The following KCNH4 variants were observed in gnomAD, a reference collection of about 807,000 sequenced individuals.
KCNH4 encodes voltage-gated delayed rectifier potassium channel KCNH4.
Under a neutral mutation model 90.7 loss-of-function variants are expected in KCNH4, and 33 were observed. The ratio of observed to expected loss-of-function variants is 0.36; its 90% CI spans 0.28 to 0.49. The LOEUF (loss-of-function observed/expected upper bound fraction) is 0.49, where lower values mean the gene tolerates loss of function less well. Among genes scored for constraint, KCNH4 ranks in the 20% least tolerant of loss-of-function variants. The pLI is 0.98. For synonymous variants in KCNH4, 551 were observed against 581.7 expected (o/e 0.95, Z 0.76); for missense variants, 1,044 against 1,387.1 (o/e 0.75, Z 3.93).
chr17:42,174,150 G>A (rs890422115), intron 6 of KCNH4, among the ~76,000 whole-genome samples: 1 of 152,134 alleles, frequency 6.6e-6, no homozygotes, highest in South Asian at 2.1e-4. Flanking sequence ...TAGAGAAGGG[G>A]TTTCACCTGT....
chr17:42,163,452 G>T lies in KCNH4; in HGVS notation c.2478-118C>A. ...GGGCGGAGCAAGAGCAGCAGTCAAA[G>T]TGGGTTGGGGTTGCAAGCTGTGGTT... On this transcript the variant is annotated intron_variant, in intron 13 of 16. Transcript: ENST00000264661. The surrounding 1 kb of genome is among the most constrained non-coding windows in gnomAD (Gnocchi z 5.4). 2 of 819,292 alleles carry T rather than the reference G, an allele frequency of 2.4e-6. No homozygotes were observed. The allele number at this position is 819,292 out of a possible 1,614,324, so 50.8% of individuals were successfully genotyped here.
At chr17:42,172,376 A>G (rs1357804915) in intron 6 of KCNH4, among the ~76,000 whole-genome samples, 1 of 151,740 alleles carries the variant, frequency 6.6e-6, no homozygotes, top group African/African-American at 2.4e-5. Flanking sequence ...GTTTCACTAC[A>G]TTGGCCAGGA....
chr17:42,175,760 T>TG (rs760990464), intron 5 of KCNH4, 24 bp from the exon 6 acceptor site: 3 of 1,612,874 alleles, frequency 1.9e-6, no homozygotes, highest in South Asian at 2.2e-5. Flanking sequence ...AGGCTATTAC[T>TG]GGGGGGCCTT....
chr17:42,160,920 C>CTTTTTTTTT (rs57677761), intron 15 of KCNH4, among the ~76,000 whole-genome samples: 6 of 73,412 alleles, frequency 8.2e-5, no homozygotes, highest in Admixed American at 1.8e-4. Flanking sequence ...TTTTCTTTTT[C>CTTTTTTTTT]TTTTTTTTTT....
chr17:42,165,619 C>T lies in KCNH4; in HGVS notation c.1915G>A (p.Val639Met), dbSNP rs564497876. ...EPGLGADPNF[V>M]LKTSADVKAL... ...TTCACATCAGCACTGGTCTTTAGCA[C>T]GAAGTTTGGGTCTGCTCCCAACCCA... The change falls in exon 11 of 17, where the codon GTG becomes ATG. Residue 639 changes from valine (V) to methionine (M), a missense_variant. Around this residue, in one of 4 missense-constraint regions of KCNH4, gnomAD observed 441 missense variants for 512.3 expected, o/e 0.86. Transcript: ENST00000264661. 5.6e-6 allele frequency: 9 copies of T among 1,614,174 alleles called. No homozygotes were observed. The highest frequency in any genetic ancestry group is 2.2e-5 in the East Asian group (1 of 44,884).
chr17:42,158,295 C>A (rs1461544391), intron 16 of KCNH4, among the ~76,000 whole-genome samples: 9 of 149,250 alleles, frequency 6.0e-5, no homozygotes, highest in East Asian at 2.0e-4. Context: ...CTTTGGGAGG[C>A]CGAGGCAGGT....
chr17:42,177,950 CAT>C (rs1355441204), intron 4 of KCNH4, 148 bp downstream of exon 4: 1 of 884,208 alleles, frequency 1.1e-6, no homozygotes, highest in South Asian at 1.6e-5. Context: ...GAGCATATAC[CAT>C]ATAGAGTAGT....
chr17:42,169,581 T>G lies in KCNH4; in HGVS notation c.1486A>C (p.Lys496Gln). Residue 496 changes from lysine (K) to glutamine (Q), a missense_variant, in exon 9 of 17, where the codon AAG (lysine) becomes CAG (glutamine). Physicochemically the swap from Lys to Gln is moderately conservative, Grantham distance 53. Transcript: ENST00000264661. ...AGGCGGTGCACACGGATGAAGTCCT[T>G]GAGGTCCTTCATGCGGCTGTGGTAG... ...SLYHSRMKDL[K>Q]DFIRVHRLPR... is the part of the protein sequence containing the mutation. 1.2e-6 allele frequency: 2 copies of G among 1,613,958 alleles called. No homozygotes were observed. The highest frequency in any genetic ancestry group is 1.7e-6 in the Non-Finnish European group (2 of 1,179,988).
chr17:42,171,478 C>CT (rs2079826404), intron 7 of KCNH4, among the ~76,000 whole-genome samples: 1 of 152,040 alleles, frequency 6.6e-6, no homozygotes, highest in African/African-American at 2.4e-5. Context: ...CTTTCTGGGA[C>CT]TTTTCACGTG....
chr17:42,174,869 A>C (rs1162825249), intron 6 of KCNH4, among the ~76,000 whole-genome samples: 1 of 152,060 alleles, frequency 6.6e-6, no homozygotes, highest in Non-Finnish European at 1.5e-5. Flanking sequence ...TAGGTTTACT[A>C]TGCTCCCCCA....
intron 15 of KCNH4, 27 bp from the exon 16 acceptor site, chr17:42,160,462 A>G (rs1432084229): frequency 1.3e-6 from 2 of 1,550,212 alleles, no homozygotes; most frequent in African/African-American, 1.4e-5. Context: ...GAGTTGTTTC[A>G]CAGGTGCCAC....
chr17:42,162,702 C>T (rs1256897575), intron 14 of KCNH4, among the ~76,000 whole-genome samples: 3 of 152,042 alleles, frequency 2.0e-5, no homozygotes, highest in Non-Finnish European at 2.9e-5. Flanking sequence ...AAGCAATTCT[C>T]CTGTCTCAGC....
chr17:42,170,971 C>T (rs1301388236), intron 7 of KCNH4, among the ~76,000 whole-genome samples: 3 of 152,222 alleles, frequency 2.0e-5, no homozygotes, highest in South Asian at 2.1e-4. Context: ...GTGGCTGCAG[C>T]GCAGGGAGCA....
chr17:42,179,148 G>T, intron 1 of KCNH4, 122 bp from the exon 2 acceptor site: 1 of 666,444 alleles, frequency 1.5e-6, no homozygotes, highest in Non-Finnish European at 2.6e-6. Context: ...AGGTTTCCAT[G>T]TTGCTCCTGA....
rs1201648980 is a variant in KCNH4, at chr17:42,180,696, C to G, written c.76+174G>C. Among the ~76,000 whole-genome samples, 1 of 151,990 alleles carries G rather than the reference C, an allele frequency of 6.6e-6. No homozygotes were observed. The highest frequency in any genetic ancestry group is 2.4e-5 in the African/African-American group (1 of 41,366). Reference sequence around the variant, plus strand: ...TGCTCTCGGCCCTTTCCCCTCCTCCCCTCGCAGGGCACTCCCCGCCCTGTT... The same window carrying G: ...TGCTCTCGGCCCTTTCCCCTCCTCCGCTCGCAGGGCACTCCCCGCCCTGTT... On this transcript the variant is annotated intron_variant, in intron 1 of 16. Coordinates refer to ENST00000264661, the MANE Select transcript of KCNH4 (RefSeq NM_012285.3). The surrounding 1 kb of genome is among the most constrained non-coding windows in gnomAD (Gnocchi z 4.7).
chr17:42,163,558 T>C lies in KCNH4; in HGVS notation c.2477+48A>G. ...CAGGGATAGAGCCCAGAGAAGGTTC[T>C]GGAAGCCAATAGGGGTTTTGGGAAA... On this transcript the variant is annotated intron_variant, in intron 13 of 16. Coordinates refer to ENST00000264661, the MANE Select transcript of KCNH4 (RefSeq NM_012285.3). The surrounding 1 kb of genome is among the most constrained non-coding windows in gnomAD (Gnocchi z 5.4). The C allele has an allele frequency of 3.2e-6, 3 of 925,770 alleles. No homozygotes were observed. The highest frequency in any genetic ancestry group is 5.0e-6 in the Non-Finnish European group (3 of 602,426). 57.3% of individuals were successfully genotyped at this position (925,770 alleles called of 1,614,324 possible).
rs1309076049 is a variant in KCNH4 at position 42,171,930 on chromosome 17, C to T, written c.1053G>A (p.Leu351=). 4.3e-6 allele frequency: 7 copies of T among 1,611,828 alleles called. 1 individual carries two copies. The highest frequency in any genetic ancestry group is 5.9e-6 in the Non-Finnish European group (7 of 1,179,384). ...LLRLLRLLQK[L]ERYSQCSAVV... ...CAGCACTGCACTGAGAGTACCGCTC[C>T]AGCTTCTGCAGCAGCCGCAGCAGCC... is the stretch of plus-strand genomic sequence containing the variant. Residue 351 remains leucine (L), a synonymous_variant, in exon 7 of 17, where the codon CTG becomes CTA. Transcript: ENST00000264661.
chr17:42,166,532 G>A lies in KCNH4; in HGVS notation c.1605C>T (p.Phe535=). The A allele has an allele frequency of 6.2e-7, 1 of 1,612,492 alleles. No individual in the cohort carries two copies. The highest frequency in any genetic ancestry group is 8.5e-7 in the Non-Finnish European group (1 of 1,178,668). ...GIDANELLRD[F]PDELRADIAM... ...CAATGTCAGCTCTCAGCTCGTCTGG[G>A]AAGTCACGCAGTAACTGCATAAGGG... Residue 535 remains phenylalanine (F), a synonymous_variant, in exon 10 of 17, where the codon TTC becomes TTT. Transcript: ENST00000264661.
rs1435279943 is a variant in KCNH4, at chr17:42,178,313, G to A, written c.457+18C>T. 5.6e-6 allele frequency: 9 copies of A among 1,614,148 alleles called. No homozygotes were observed. Among genetic ancestry groups the A allele is most frequent in the East Asian group, 2.2e-5 (1 of 44,890 alleles). ...AGGCTTCTGACCATTCACACTGCCC[G>A]TCCGGACTTGCTGTTACCGTGATTA... On this transcript the variant is annotated intron_variant, in intron 3 of 16. Transcript: ENST00000264661.
Sources: gnomAD v4.1 joint callset for allele counts (sites outside exome capture counted in the v4.1 genomes callset) on GRCh38, gnomAD v4.1.1 for gene constraint, gnomAD v4.1.1 regional missense constraint, Gnocchi (gnomAD v3.1) non-coding constraint, MANE v1.5 for transcripts, NCBI Gene and HGNC (gene_info 2026-07-23, HGNC 2026-07-21) for gene names.